SRP72: variants seen among roughly 807,000 people sequenced by gnomAD.
SRP72 encodes the protein signal recognition particle subunit SRP72.
A neutral mutation model predicts 96.3 loss-of-function variants in SRP72; 49 were observed. That is an observed-to-expected ratio of 0.51 (90% CI 0.40 to 0.65). SRP72 has a LOEUF of 0.65. SRP72 is among the 30% of genes least tolerant of loss of function. SRP72 has a pLI of 0.00. For synonymous variants in SRP72, 267 were observed against 275.2 expected (o/e 0.97, Z 0.30); for missense variants, 736 against 793.3 (o/e 0.93, Z 0.87).
Position 56,502,192 on chromosome 4 carries a change from C to A in SRP72, c.*331C>A, listed in dbSNP as rs1433290146. 4 of 225,884 alleles carry A rather than the reference C, an allele frequency of 1.8e-5. No homozygotes were observed. The highest frequency in any genetic ancestry group is 3.6e-5 in the Non-Finnish European group (4 of 112,478). The allele number at this position is 225,884 out of a possible 1,614,324, so 14.0% of individuals were successfully genotyped here. A position where few individuals can be genotyped will look rare whatever the true frequency, so the allele number is the denominator to read the frequency against. On this transcript the variant is annotated 3_prime_UTR_variant, in exon 19 of 19. Transcript: ENST00000642900. ...TATCTAAGGTTTCCCAGGATTTAAA[C>A]AGAAACTACTTCTATGATTTCAGCT...
At chr4:56,491,985 G>T (rs984077127) in intron 16 of SRP72, among the ~76,000 whole-genome samples, 1 of 152,162 alleles carries the variant, frequency 6.6e-6, no homozygotes, top group Non-Finnish European at 1.5e-5. Flanking sequence ...AGCCTCCCGA[G>T]TAGCTGGGAC....
At chr4:56,499,683 T>C (rs1721191498) in intron 17 of SRP72, among the ~76,000 whole-genome samples, 1 of 152,182 alleles carries the variant, frequency 6.6e-6, no homozygotes, top group Admixed American at 6.5e-5. Context: ...TCATACCAGT[T>C]AGAATGGCGA....
intron 5 of SRP72, 21 bp downstream of exon 5, chr4:56,474,412 AT>A (rs757010729): frequency 3.1e-6 from 5 of 1,595,760 alleles, no homozygotes; most frequent in Middle Eastern, 1.8e-4. Context: ...TGTTAAACTT[AT>A]CTGTAAATAT....
At chr4:56,501,452 T>A (rs904456303) in intron 18 of SRP72, among the ~76,000 whole-genome samples, 2 of 152,132 alleles carry the variant, frequency 1.3e-5, no homozygotes, top group African/African-American at 4.8e-5. Context: ...ATTTTTTATT[T>A]TCTACGCTTT....
At position 56,485,627 on chromosome 4, in the gene SRP72, C is replaced by T. The variant is rs193297281; in HGVS notation, c.1087-698C>T. 6.4e-3 allele frequency among the ~76,000 whole-genome samples: 979 copies of T among 151,946 alleles called. 17 individuals are homozygous for T. Among genetic ancestry groups the T allele is most frequent in the African/African-American group, 0.023 (933 of 41,422 alleles). On this transcript the variant is annotated intron_variant, in intron 10 of 18. Coordinates refer to ENST00000642900, the MANE Select transcript of SRP72 (RefSeq NM_006947.4). ...ACCAGCCTGGCCAACATGTTGAAAC[C>T]CCATCTCTACTAAAAATACAAAAAA...
chr4:56,472,507 A>T (rs1720017973), intron 3 of SRP72, among the ~76,000 whole-genome samples: 1 of 151,834 alleles, frequency 6.6e-6, no homozygotes, highest in Non-Finnish European at 1.5e-5. Flanking sequence ...CAACTCGTGC[A>T]GCTAATTTTT....
intron 1 of SRP72, 92 bp downstream of exon 1, chr4:56,467,836 C>T: frequency 8.1e-7 from 1 of 1,230,638 alleles, no homozygotes; most frequent in Admixed American, 4.1e-5. Context: ...GCGGGAGGCA[C>T]GGGAAGGGGA....
Position 56,469,676 on chromosome 4 carries a change from G to A in SRP72, c.133G>A (p.Val45Ile), listed in dbSNP as rs201940585. The A allele has an allele frequency of 1.1e-4, 181 of 1,606,362 alleles. No homozygotes were observed. In the Middle Eastern group the frequency reaches 1.2e-3, roughly 10 times the overall value. ...NKILQINKDD[V>I]TALHCKVVCL... is the part of the protein sequence containing the mutation. The stretch of plus-strand genomic sequence containing the variant: ...AGTACTACAGATCAACAAAGATGAC[G>A]TAACTGCCCTGCATTGTAAAGTGGT... The change falls in exon 2 of 19, where the codon GTA (valine) becomes ATA (isoleucine). Residue 45 changes from valine to isoleucine, a missense_variant. By Grantham distance (29) the Val-to-Ile change is conservative (BLOSUM62 3). Transcript: ENST00000642900.
chr4:56,479,657 A>T (rs1720402828), intron 8 of SRP72, among the ~76,000 whole-genome samples: 1 of 151,348 alleles, frequency 6.6e-6, no homozygotes, highest in African/African-American at 2.4e-5. Context: ...TTTAAAAAAA[A>T]ATTTGTAGAG....
chr4:56,500,727 A>T (rs575251578), intron 18 of SRP72, 32 bp downstream of exon 18: 1 of 1,584,716 alleles, frequency 6.3e-7, no homozygotes, highest in Non-Finnish European at 8.6e-7. Flanking sequence ...GAGGGCACTT[A>T]GAACATACGT....
rs781026179 is a variant in SRP72, at chr4:56,484,706, T to C, written c.958-30T>C. 7 of 1,611,068 alleles carry C rather than the reference T, an allele frequency of 4.3e-6. No homozygotes were observed. The African/African-American group carries it at 8.0e-5, about 18-fold the overall frequency. On this transcript the variant is annotated intron_variant, in intron 9 of 18. Transcript: ENST00000642900. ...GTGTTTAATTTCATTAACCAGTTTA[T>C]TTTTCTTGTGGGGGTTGGATATCTT...
In SRP72 at chr4:56,500,552, T is replaced by C. The variant is rs2110134159; in HGVS notation, c.1695T>C (p.Asn565=). The change falls in exon 18 of 19, where the codon AAT becomes AAC. Residue 565 remains asparagine, a synonymous_variant. Coordinates refer to ENST00000642900, the MANE Select transcript of SRP72 (RefSeq NM_006947.4). The part of the protein sequence containing the change: ...KKKKKGKLPK[N]YDPKVTPDPE... ...GTTATGCAGGAAAATTGCCTAAGAATTATGACCCAAAAGTTACCCCAGATC... is the reference window on the plus strand; with the variant it reads ...GTTATGCAGGAAAATTGCCTAAGAACTATGACCCAAAAGTTACCCCAGATC... 1 of 1,613,206 alleles carries C rather than the reference T, an allele frequency of 6.2e-7. No homozygotes were observed. Among genetic ancestry groups the C allele is most frequent in the Non-Finnish European group, 8.5e-7 (1 of 1,179,634 alleles).
chr4:56,502,465 T>TTATATATATATATATGTA lies in SRP72; in HGVS notation c.*619_*620insGTATATATATATATATAT, dbSNP rs1578201949. 7.7e-6 allele frequency: 1 copy of TTATATATATATATATGTA among 129,344 alleles called. No individual in the cohort carries two copies. Among genetic ancestry groups the TTATATATATATATATGTA allele is most frequent in the East Asian group, 2.6e-4 (1 of 3,872 alleles). The allele number at this position is 129,344 out of a possible 1,614,324, so 8.0% of individuals were successfully genotyped here. A position where few individuals can be genotyped will look rare whatever the true frequency, so the allele number is the denominator to read the frequency against. On this transcript the variant is annotated 3_prime_UTR_variant, in exon 19 of 19. Coordinates refer to ENST00000642900, the MANE Select transcript of SRP72 (RefSeq NM_006947.4). ...CTGGAATATGGGATACTTTTCATGT[T>TTATATATATATATATGTA]TATATATATATATATATGTATATAT...
At position 56,467,662 on chromosome 4, in the gene SRP72, G is replaced by T. The variant is rs1719785303; in HGVS notation, c.27G>T (p.Val9=). 6.4e-7 allele frequency: 1 copy of T among 1,559,946 alleles called. No individual in the cohort carries two copies. The highest frequency in any genetic ancestry group is 8.7e-7 in the Non-Finnish European group (1 of 1,154,888). ...TGGCGAGCGGCGGCAGCGGGGGGGT[G>T]TCAGTACCTGCGCTGTGGAGTGAAG... MASGGSGG[V]SVPALWSEVN... Residue 9 remains valine (V), a synonymous_variant, in exon 1 of 19, where the codon GTG becomes GTT. Transcript: ENST00000642900.
At chr4:56,483,062 C>CTATA in intron 8 of SRP72, 77 bp from the exon 9 acceptor site, 1 of 1,380,500 alleles carries the variant, frequency 7.2e-7, no homozygotes, top group Non-Finnish European at 9.9e-7. Flanking sequence ...CCTGCTGTAT[C>CTATA]TATATAAAGT....
intron 8 of SRP72, among the ~76,000 whole-genome samples, chr4:56,481,013 G>C (rs1720462465): frequency 6.6e-6 from 1 of 152,190 alleles, no homozygotes. Context: ...AAGTAGATTA[G>C]ATTGAACTAT....
Position 56,477,816 on chromosome 4 carries a change from G to C in SRP72, c.643-563G>C, listed in dbSNP as rs1025344786. On this transcript the variant is annotated intron_variant, in intron 6 of 18. Transcript: ENST00000642900. ...AAATGTGGATTAATCTGGAGCATCG[G>C]TTAAGAGAGCTACTACTTTAATTAC... 2.0e-5 allele frequency among the ~76,000 whole-genome samples: 3 copies of C among 152,136 alleles called. No individual in the cohort carries two copies. The East Asian group carries it at 5.8e-4, about 29-fold the overall frequency.
At chr4:56,473,469 A>AAG (rs1182318888) in intron 3 of SRP72, among the ~76,000 whole-genome samples, 1 of 150,390 alleles carries the variant, frequency 6.6e-6, no homozygotes, top group African/African-American at 2.4e-5. Flanking sequence ...AAAAAAAAAA[A>AAG]AGAAAATCAG....
intron 5 of SRP72, chr4:56,475,860 G>A (rs1465949607): frequency 6.6e-6 from 1 of 152,194 alleles, no homozygotes; most frequent in Admixed American, 6.5e-5. Flanking sequence ...GTATGTGTCT[G>A]TGTGAATGTT....
Sources: gnomAD v4.1 joint callset for allele counts (sites outside exome capture counted in the v4.1 genomes callset) on GRCh38, gnomAD v4.1.1 for gene constraint, MANE v1.5 for transcripts, NCBI Gene and HGNC (gene_info 2026-07-23, HGNC 2026-07-21) for gene names.